Variants in PGM2L1 observed in about 807,000 individuals in gnomAD.
PGM2L1 encodes the protein phosphoglucomutase 2 like 1.
Under a neutral mutation model 73.4 loss-of-function variants are expected in PGM2L1, and 35 were observed. The observed-to-expected ratio is 0.48, with a 90% confidence interval of 0.36 to 0.63. The LOEUF is 0.63. Ranked by LOEUF, PGM2L1 falls within the 30% of genes least tolerant of loss-of-function variation. The pLI is 0.00. For missense variants in PGM2L1, 570 were observed against 742.0 expected, an observed-to-expected ratio of 0.77 and a Z score of 2.69; for synonymous variants, 225 against 253.8, an observed-to-expected ratio of 0.89 and a Z score of 1.08.
At chr11:74,391,982 C>G (rs1455011003) in intron 1 of PGM2L1, among the ~76,000 whole-genome samples, 2 of 152,176 alleles carry the variant, frequency 1.3e-5, no homozygotes, top group African/African-American at 4.8e-5. Flanking sequence ...TTTGAAATAA[C>G]TAATGCTAAT....
At position 74,398,049 on chromosome 11, in the gene PGM2L1, A is replaced by T; in HGVS notation, c.111+2T>A. The T allele has an allele frequency of 1.2e-6, 2 of 1,604,646 alleles. No individual in the cohort carries two copies. The highest frequency in any genetic ancestry group is 1.7e-6 in the Non-Finnish European group (2 of 1,174,832). ...CGTTTGCCGGGCTGACCAGGTACCCACCTTATCCCAGCGGAGCCACTGCCC... is the reference window on the plus strand; with the variant it reads ...CGTTTGCCGGGCTGACCAGGTACCCTCCTTATCCCAGCGGAGCCACTGCCC... On this transcript the variant is annotated splice_donor_variant, in intron 1 of 13. Transcript: ENST00000298198. LOFTEE classifies it high-confidence loss of function.
chr11:74,354,262 C>A (rs1402310671), intron 5 of PGM2L1, among the ~76,000 whole-genome samples: 1 of 152,068 alleles, frequency 6.6e-6, no homozygotes, highest in Non-Finnish European at 1.5e-5. Flanking sequence ...TTAATCTGCA[C>A]CAGAAAGCAT....
Position 74,333,554 on chromosome 11 carries a change from C to A in PGM2L1, c.*3098G>T, listed in dbSNP as rs899011245. On this transcript the variant is annotated 3_prime_UTR_variant, in exon 14 of 14. Coordinates refer to ENST00000298198, the MANE Select transcript of PGM2L1 (RefSeq NM_173582.6). ...ACATGATTCTGATACAACATCCTAGCAGGAACTGAATCCGTAAAAGGGATA... is the reference window on the plus strand; with the variant it reads ...ACATGATTCTGATACAACATCCTAGAAGGAACTGAATCCGTAAAAGGGATA... 3.3e-5 allele frequency: 5 copies of A among 152,156 alleles called. No individual in the cohort carries two copies. The highest frequency in any genetic ancestry group is 1.2e-4 in the African/African-American group (5 of 41,438). 9.4% of individuals were successfully genotyped at this position (152,156 alleles called of 1,614,324 possible).
intron 1 of PGM2L1, among the ~76,000 whole-genome samples, chr11:74,391,965 T>C (rs1172657682): frequency 1.3e-5 from 2 of 152,224 alleles, no homozygotes; most frequent in African/African-American, 4.8e-5. Context: ...ATTATATTGT[T>C]TAAACTTTTG....
intron 5 of PGM2L1, among the ~76,000 whole-genome samples, chr11:74,359,557 G>GTACATACATATATATATATATATACACA (rs1862520284): frequency 1.8e-5 from 2 of 113,758 alleles, no homozygotes; most frequent in Non-Finnish European, 3.7e-5. Context: ...ATATATACAC[G>GTACATACATATATATATATATATACACA]TACATACATA....
rs370116995 is a variant in PGM2L1 at position 74,361,663 on chromosome 11, G to A, written c.555+6829C>T. On this transcript the variant is annotated intron_variant, in intron 5 of 13. Coordinates refer to ENST00000298198, the MANE Select transcript of PGM2L1 (RefSeq NM_173582.6). The stretch of plus-strand genomic sequence containing the variant: ...TAAAAACCTTGAAAAAATATTAGAC[G>A]ACTGGCTAACTAGAATAACCAGGGT... Among the ~76,000 whole-genome samples, 6 of 152,206 alleles carry A rather than the reference G, an allele frequency of 3.9e-5. No homozygotes were observed. In the East Asian group the frequency reaches 7.7e-4, roughly 20 times the overall value.
chr11:74,380,889 A>C (rs1328612043), intron 1 of PGM2L1, among the ~76,000 whole-genome samples: 1 of 152,198 alleles, frequency 6.6e-6, no homozygotes, highest in Admixed American at 6.6e-5. Context: ...TTATTGGCTA[A>C]TGTGCTCAGT....
intron 9 of PGM2L1, among the ~76,000 whole-genome samples, chr11:74,343,806 T>G (rs552942611): frequency 8.1e-6 from 1 of 123,060 alleles, no homozygotes; most frequent in Non-Finnish European, 1.6e-5. Flanking sequence ...TGAGACGGAG[T>G]CTCGCTCTGT....
Position 74,338,592 on chromosome 11 carries a change from C to T in PGM2L1, c.1642G>A (p.Val548Met), listed in dbSNP as rs146628692. The T allele has an allele frequency of 1.1e-5, 17 of 1,592,926 alleles. No individual in the cohort carries two copies. The East Asian group carries it at 3.8e-4, about 36-fold the overall frequency. The change falls in exon 13 of 14, where the codon GTG becomes ATG. Residue 548 changes from valine to methionine, a missense_variant. Coordinates refer to ENST00000298198, the MANE Select transcript of PGM2L1 (RefSeq NM_173582.6). ...SQPNKKSVLP[V>M]SKNSQMITFT... ...GTAATCATTTGGCTGTTTTTACTCACAGGCAGCACCTATGCAAAATGGCAA... is the reference window on the plus strand; with the variant it reads ...GTAATCATTTGGCTGTTTTTACTCATAGGCAGCACCTATGCAAAATGGCAA...
chr11:74,392,535 CAATAAAATAGTTTTTTTTTTTTTG>C (rs1863117442), intron 1 of PGM2L1, among the ~76,000 whole-genome samples: 1 of 151,122 alleles, frequency 6.6e-6, no homozygotes, highest in African/African-American at 2.4e-5. Context: ...TTATAAAAGC[CAATAAAATAGTTTTTTTTTTTTTG>C]AGACGGAGTC....
At chr11:74,358,864 G>T (rs1015828729) in intron 5 of PGM2L1, among the ~76,000 whole-genome samples, 5 of 152,130 alleles carry the variant, frequency 3.3e-5, no homozygotes, top group African/African-American at 1.2e-4. Flanking sequence ...ACTCCAGCTT[G>T]GGTGACAGAG....
chr11:74,380,125 C>T (rs1862916986), intron 1 of PGM2L1, among the ~76,000 whole-genome samples: 1 of 152,048 alleles, frequency 6.6e-6, no homozygotes, highest in South Asian at 2.1e-4. Context: ...TTTTGTTTAT[C>T]TATTTATTAT....
intron 12 of PGM2L1, 94 bp downstream of exon 12, chr11:74,342,367 G>T: frequency 2.1e-6 from 2 of 972,512 alleles, no homozygotes; most frequent in Non-Finnish European, 2.9e-6. Context: ...AAACTGGATT[G>T]AATCTCATGT....
Position 74,334,824 on chromosome 11 carries a change from C to T in PGM2L1, c.*1828G>A, listed in dbSNP as rs1311705620. On this transcript the variant is annotated 3_prime_UTR_variant, in exon 14 of 14. Coordinates refer to ENST00000298198, the MANE Select transcript of PGM2L1 (RefSeq NM_173582.6). ...TTGTTATTGTTATCTCCTAACTATA[C>T]CCCATATGTATTCTGAGAACTATGT... 6.6e-6 allele frequency: 1 copy of T among 151,998 alleles called. No individual in the cohort carries two copies. Among genetic ancestry groups the T allele is most frequent in the Non-Finnish European group, 1.5e-5 (1 of 68,024 alleles). The allele number at this position is 151,998 out of a possible 1,614,324, so 9.4% of individuals were successfully genotyped here.
chr11:74,342,397 G>T lies in PGM2L1; in HGVS notation c.1632+64C>A. On this transcript the variant is annotated intron_variant, in intron 12 of 13. Coordinates refer to ENST00000298198, the MANE Select transcript of PGM2L1 (RefSeq NM_173582.6). ...TCATGTGAAATCTGTCCTGCCTCTG[G>T]ACTTTTTGGTGACATGAGCCATGAA... 4.7e-6 allele frequency: 6 copies of T among 1,267,644 alleles called. No individual in the cohort carries two copies. In the South Asian group the frequency reaches 1.1e-4, roughly 23 times the overall value. 78.5% of individuals were successfully genotyped at this position (1,267,644 alleles called of 1,614,324 possible). A position where few individuals can be genotyped will look rare whatever the true frequency, so the allele number is the denominator to read the frequency against.
At chr11:74,361,382 C>T (rs1862560765) in intron 5 of PGM2L1, among the ~76,000 whole-genome samples, 4 of 152,264 alleles carry the variant, frequency 2.6e-5, no homozygotes, top group South Asian at 4.1e-4. Flanking sequence ...GACATTCACA[C>T]CAAAACCCCA....
At chr11:74,379,686 G>A (rs1247841865) in intron 1 of PGM2L1, among the ~76,000 whole-genome samples, 1 of 152,120 alleles carries the variant, frequency 6.6e-6, no homozygotes, top group African/African-American at 2.4e-5. Flanking sequence ...CACTTTGGGA[G>A]GCTGAGGTGG....
intron 5 of PGM2L1, chr11:74,354,377 C>G (rs747470197): frequency 5.3e-6 from 3 of 565,596 alleles, no homozygotes; most frequent in Non-Finnish European, 9.4e-6. Context: ...TTTAGGTCAG[C>G]TTACTGCTTT....
intron 5 of PGM2L1, among the ~76,000 whole-genome samples, chr11:74,363,343 A>G (rs957344140): frequency 1.3e-5 from 2 of 152,160 alleles, no homozygotes; most frequent in Non-Finnish European, 2.9e-5. Flanking sequence ...GAGAAGCAAG[A>G]GCAAACACAT....
Sources: allele counts gnomAD v4.1 joint callset (sites outside exome capture counted in the v4.1 genomes callset), GRCh38; gene constraint gnomAD v4.1.1; transcripts MANE v1.5; gene names NCBI Gene and HGNC (gene_info 2026-07-23, HGNC 2026-07-21).